The following TPTE variants were observed in gnomAD, a reference collection of about 807,000 sequenced individuals.
TPTE encodes putative tyrosine-protein phosphatase TPTE.
Under a neutral mutation model 84.1 loss-of-function variants are expected in TPTE, and 59 were observed. The observed-to-expected ratio is 0.70, with a 90% CI of 0.57 to 0.87. The LOEUF is 0.87. TPTE is among the 40% of genes least tolerant of loss of function. The pLI is 0.00. For missense variants in TPTE, 382 were observed against 659.6 expected (o/e 0.58, Z 4.61); for synonymous variants, 130 against 223.5 (o/e 0.58, Z 3.73).
Position 10,605,639 on chromosome 21 carries a change from G to T in TPTE, c.*87G>T. 1 of 1,584,172 alleles carries T rather than the reference G, an allele frequency of 6.3e-7. No homozygotes were observed. The highest frequency in any genetic ancestry group is 8.6e-7 in the Non-Finnish European group (1 of 1,168,898). Reference sequence around the variant, plus strand: ...CATATATCCTAAATCTATCCTAAATGTTCCTTGAAGTATTTATTTATGTTT... The same window carrying T: ...CATATATCCTAAATCTATCCTAAATTTTCCTTGAAGTATTTATTTATGTTT... On this transcript the variant is annotated 3_prime_UTR_variant, in exon 24 of 24. Coordinates refer to ENST00000618007, the MANE Select transcript of TPTE (RefSeq NM_199261.4).
At chr21:10,549,201 A>G (rs946151481) in intron 7 of TPTE, among the ~76,000 whole-genome samples, 13 of 152,420 alleles carry the variant, frequency 8.5e-5, no homozygotes, top group East Asian at 1.9e-4. Flanking sequence ...ATGAACTGAC[A>G]TCCAAGACCC....
At chr21:10,550,367 C>T (rs1267779357) in intron 7 of TPTE, among the ~76,000 whole-genome samples, 1 of 152,306 alleles carries the variant, frequency 6.6e-6, no homozygotes, top group Non-Finnish European at 1.5e-5. Context: ...AACACATAGA[C>T]TGATAATAAA....
rs1342601069 is a variant in TPTE at position 10,577,961 on chromosome 21, CCTGT to C, written c.857-373_857-370del. Among the ~76,000 whole-genome samples, 4 of 152,422 alleles carry C rather than the reference CCTGT, an allele frequency of 2.6e-5. No homozygotes were observed. The East Asian group carries it at 7.7e-4, about 29-fold the overall frequency. On this transcript the variant is annotated intron_variant, in intron 15 of 23. Coordinates refer to ENST00000618007, the MANE Select transcript of TPTE (RefSeq NM_199261.4). ...AATAGGTTGTAACCCAGTTTAATAC[CCTGT>C]CTCTCTTGATTTTTTCCTCTACCTG... is the stretch of plus-strand genomic sequence containing the variant.
chr21:10,535,842 C>G (rs2074257024), intron 3 of TPTE, among the ~76,000 whole-genome samples: 1 of 152,312 alleles, frequency 6.6e-6, no homozygotes, highest in Non-Finnish European at 1.5e-5. Flanking sequence ...CTGACTCAGG[C>G]CTACAGCTAC....
intron 17 of TPTE, among the ~76,000 whole-genome samples, chr21:10,587,935 G>T (rs867122124): frequency 6.6e-6 from 1 of 152,308 alleles, no homozygotes; most frequent in Non-Finnish European, 1.5e-5. Context: ...TGCAACCTCC[G>T]CCTCCTGGGT....
At chr21:10,571,966 C>T (rs553337641) in intron 14 of TPTE, among the ~76,000 whole-genome samples, 1 of 152,126 alleles carries the variant, frequency 6.6e-6, no homozygotes, top group Non-Finnish European at 1.5e-5. Flanking sequence ...GATTGTGCCA[C>T]TGCACTCCAG....
chr21:10,532,748 A>G (rs1478138190), intron 3 of TPTE, among the ~76,000 whole-genome samples: 4 of 152,302 alleles, frequency 2.6e-5, no homozygotes, highest in Non-Finnish European at 5.9e-5. Context: ...CATAAGAGGC[A>G]TTCAGTAATG....
At chr21:10,551,525 C>T (rs1334309347) in intron 7 of TPTE, among the ~76,000 whole-genome samples, 1 of 152,250 alleles carries the variant, frequency 6.6e-6, no homozygotes, top group Non-Finnish European at 1.5e-5. Context: ...CCTCAAGAAA[C>T]TAGAATAGTA....
chr21:10,570,803 G>A (rs1423450182), intron 14 of TPTE, among the ~76,000 whole-genome samples: 1 of 152,308 alleles, frequency 6.6e-6, no homozygotes, highest in African/African-American at 2.4e-5. Context: ...GGGCTTAACT[G>A]TCCAATTTAG....
At chr21:10,560,724 AACAG>A (rs199979320) in intron 9 of TPTE, among the ~76,000 whole-genome samples, 4,615 of 150,104 alleles carry the variant, frequency 0.031, no homozygotes, top group South Asian at 0.049. Flanking sequence ...AGAGTTTGTA[AACAG>A]ACAGGTGATT....
chr21:10,575,710 T>C (rs1328090155), intron 14 of TPTE, among the ~76,000 whole-genome samples: 1 of 152,304 alleles, frequency 6.6e-6, no homozygotes, highest in African/African-American at 2.4e-5. Context: ...TAATATCTCC[T>C]TCAGAGTCTA....
At chr21:10,529,468 T>C (rs2074139125) in intron 3 of TPTE, among the ~76,000 whole-genome samples, 1 of 152,310 alleles carries the variant, frequency 6.6e-6, no homozygotes, top group South Asian at 2.1e-4. Context: ...GATTAAAATG[T>C]CTGTTCACTC....
At chr21:10,580,130 A>G (rs1402150348) in intron 17 of TPTE, among the ~76,000 whole-genome samples, 4 of 152,306 alleles carry the variant, frequency 2.6e-5, no homozygotes, top group Admixed American at 6.5e-5. Flanking sequence ...TTCTCATTAT[A>G]CCTCTTGGCC....
intron 8 of TPTE, among the ~76,000 whole-genome samples, chr21:10,553,465 T>C (rs1187601527): frequency 2.0e-5 from 3 of 152,310 alleles, no homozygotes; most frequent in Non-Finnish European, 4.4e-5. Flanking sequence ...TTACCCTGAA[T>C]TTGCCACTGA....
chr21:10,530,401 ATGTATT>A (rs1417851186), intron 3 of TPTE, among the ~76,000 whole-genome samples: 1 of 152,304 alleles, frequency 6.6e-6, no homozygotes, highest in Non-Finnish European at 1.5e-5. Flanking sequence ...TCTGTAAACT[ATGTATT>A]ATTGTTTTGC....
intron 3 of TPTE, among the ~76,000 whole-genome samples, chr21:10,529,648 TTAAG>T (rs1361939861): frequency 3.3e-5 from 5 of 152,420 alleles, no homozygotes; most frequent in African/African-American, 1.2e-4. Context: ...CACTTTCAGA[TTAAG>T]TAACTCCTCT....
chr21:10,550,149 A>G (rs912267776), intron 7 of TPTE, among the ~76,000 whole-genome samples: 2 of 152,306 alleles, frequency 1.3e-5, no homozygotes, highest in Non-Finnish European at 2.9e-5. Context: ...GACCAACATT[A>G]CAAGAAATGC....
chr21:10,593,093 G>A (rs1175231580), intron 19 of TPTE, among the ~76,000 whole-genome samples: 1 of 152,310 alleles, frequency 6.6e-6, no homozygotes, highest in Admixed American at 6.5e-5. Flanking sequence ...TGCTGCAACA[G>A]TATTTCAGCT....
chr21:10,553,436 A>G (rs2074619342), intron 8 of TPTE, among the ~76,000 whole-genome samples: 1 of 152,304 alleles, frequency 6.6e-6, no homozygotes, highest in African/African-American at 2.4e-5. Context: ...AAGAGGGCAA[A>G]TAAAAATAGT....
Sources: gnomAD v4.1 joint callset for allele counts (sites outside exome capture counted in the v4.1 genomes callset) on GRCh38, gnomAD v4.1.1 for gene constraint, MANE v1.5 for transcripts, NCBI Gene and HGNC (gene_info 2026-07-23, HGNC 2026-07-21) for gene names.